PIGF: variants seen among roughly 807,000 people sequenced by gnomAD.
The protein encoded by PIGF is GPI ethanolamine phosphate transferase, stabilizing subunit.
In PIGF, 23 loss-of-function variants were observed where a neutral mutation model predicts 26.0. The ratio of observed to expected loss-of-function variants is 0.88; its 90% CI spans 0.64 to 1.25. The LOEUF (loss-of-function observed/expected upper bound fraction) is 1.25. Among genes scored for constraint, PIGF ranks in the 50% most tolerant of loss-of-function variants. PIGF has a pLI of 0.00. For missense variants in PIGF, 278 were observed against 249.9 expected (o/e 1.11, Z -0.76); for synonymous variants, 93 against 92.6 (o/e 1.00, Z -0.03).
intron 4 of PIGF, among the ~76,000 whole-genome samples, chr2:46,611,755 C>T (rs1240154315): frequency 6.6e-6 from 1 of 152,118 alleles, no homozygotes; most frequent in Non-Finnish European, 1.5e-5. Flanking sequence ...AAAACTTGAG[C>T]TCTGGTATCT....
intron 4 of PIGF, among the ~76,000 whole-genome samples, chr2:46,606,194 A>G (rs1156736128): frequency 1.3e-5 from 2 of 152,226 alleles, no homozygotes; most frequent in African/African-American, 4.8e-5. Context: ...TCAAATTTCA[A>G]AAGATAGCAA....
chr2:46,613,665 T>A (rs572292707), intron 3 of PIGF, 29 bp downstream of exon 3: 2 of 1,453,274 alleles, frequency 1.4e-6, no homozygotes, highest in Admixed American at 5.4e-5. Context: ...TTTTAAAATA[T>A]AAATTTAGGG....
At chr2:46,606,266 G>C (rs1013768615) in intron 4 of PIGF, among the ~76,000 whole-genome samples, 1 of 152,186 alleles carries the variant, frequency 6.6e-6, no homozygotes, top group Non-Finnish European at 1.5e-5. Context: ...CCTCGCAAGA[G>C]ACAACAGGTT....
At chr2:46,608,021 T>C (rs146029111) in intron 4 of PIGF, among the ~76,000 whole-genome samples, 1 of 152,338 alleles carries the variant, frequency 6.6e-6, no homozygotes, top group East Asian at 1.9e-4. Flanking sequence ...AGTGAAATTT[T>C]AACCATGAAG....
At chr2:46,583,349 G>A (rs557825795) in intron 5 of PIGF, among the ~76,000 whole-genome samples, 10 of 152,138 alleles carry the variant, frequency 6.6e-5, no homozygotes, top group South Asian at 2.1e-4. Flanking sequence ...GATCTCCAAC[G>A]TCTCTCCCAT....
At chr2:46,606,073 T>C (rs368214389) in intron 4 of PIGF, among the ~76,000 whole-genome samples, 20 of 152,274 alleles carry the variant, frequency 1.3e-4, no homozygotes, top group African/African-American at 4.8e-4. Flanking sequence ...CAGAGAAATC[T>C]AGCAATTTCC....
chr2:46,613,038 G>A (rs1670476807), intron 3 of PIGF, among the ~76,000 whole-genome samples: 2 of 129,574 alleles, frequency 1.5e-5, no homozygotes, highest in South Asian at 4.9e-4. Flanking sequence ...GTAAAACTAT[G>A]TATAAATATA....
chr2:46,596,281 G>C (rs1434386252), intron 4 of PIGF, among the ~76,000 whole-genome samples: 1 of 150,820 alleles, frequency 6.6e-6, no homozygotes, highest in Non-Finnish European at 1.5e-5. Flanking sequence ...CTTGGGCTAA[G>C]AGGCAAAATC....
At chr2:46,600,053 T>G (rs1670007876) in intron 4 of PIGF, among the ~76,000 whole-genome samples, 1 of 152,246 alleles carries the variant, frequency 6.6e-6, no homozygotes, top group Non-Finnish European at 1.5e-5. Context: ...TTAGTAATAT[T>G]CCACTGAAAT....
intron 4 of PIGF, 93 bp from the exon 5 acceptor site, chr2:46,592,676 A>G (rs2305350): frequency 0.48 from 313,810 of 647,698 alleles, 79,207 homozygotes; most frequent in African/African-American, 0.63. Context: ...GTATACATAT[A>G]TTTCCTGCTA....
intron 5 of PIGF, chr2:46,592,002 A>G: frequency 7.8e-7 from 1 of 1,282,598 alleles, no homozygotes; most frequent in Non-Finnish European, 1.0e-6. Context: ...CACAAGGGCA[A>G]TAAATATCAA....
intron 5 of PIGF, among the ~76,000 whole-genome samples, chr2:46,583,544 TG>T (rs1388737658): frequency 2.6e-5 from 4 of 152,194 alleles, no homozygotes; most frequent in African/African-American, 4.8e-5. Flanking sequence ...AGTTCCCCAT[TG>T]CTTATCAAGA....
At chr2:46,616,514 G>C (rs952919837) in intron 1 of PIGF, 1 of 152,992 alleles carries the variant, frequency 6.5e-6, no homozygotes, top group East Asian at 1.9e-4. Context: ...ACCAGCACCG[G>C]TTAGGCCCTG....
chr2:46,585,949 T>G (rs1427618907), intron 5 of PIGF, among the ~76,000 whole-genome samples: 1 of 152,172 alleles, frequency 6.6e-6, no homozygotes, highest in Non-Finnish European at 1.5e-5. Flanking sequence ...AATTTTTTTG[T>G]ATTTTTAGTA....
chr2:46,599,979 T>C (rs17767307), intron 4 of PIGF, among the ~76,000 whole-genome samples: 9,945 of 152,286 alleles, frequency 0.065, 434 homozygotes, highest in Non-Finnish European at 0.1. Context: ...TTCTGTAACA[T>C]GAGGCAGGAA....
At chr2:46,602,471 T>C (rs533508937) in intron 4 of PIGF, among the ~76,000 whole-genome samples, 15 of 151,892 alleles carry the variant, frequency 9.9e-5, no homozygotes, top group African/African-American at 3.1e-4. Context: ...AACATTTATA[T>C]TGATTCAACA....
intron 4 of PIGF, among the ~76,000 whole-genome samples, chr2:46,610,287 C>T (rs1297043777): frequency 6.6e-6 from 1 of 152,080 alleles, no homozygotes; most frequent in Non-Finnish European, 1.5e-5. Flanking sequence ...CAGTATTTCC[C>T]CCAAATACAC....
intron 4 of PIGF, among the ~76,000 whole-genome samples, chr2:46,611,400 C>T (rs997479728): frequency 2.0e-5 from 3 of 151,604 alleles, no homozygotes; most frequent in African/African-American, 7.3e-5. Context: ...AGGAGAATCA[C>T]TTGAACCTGG....
intron 1 of PIGF, chr2:46,615,762 A>G (rs1452813341): frequency 6.6e-6 from 1 of 152,478 alleles, no homozygotes; most frequent in Non-Finnish European, 1.5e-5. Flanking sequence ...TCAAGAGTTC[A>G]AAGAGCACCA....
Sources: gnomAD v4.1 joint callset for allele counts (sites outside exome capture counted in the v4.1 genomes callset) on GRCh38, gnomAD v4.1.1 for gene constraint, MANE v1.5 for transcripts, NCBI Gene and HGNC (gene_info 2026-07-23, HGNC 2026-07-21) for gene names.